The following SUMF1 variants were observed in gnomAD, a reference collection of about 807,000 sequenced individuals.
The protein encoded by SUMF1 is formylglycine-generating enzyme.
SUMF1 carries 48 observed loss-of-function variants against 47.6 expected under a neutral mutation model. The observed-to-expected ratio is 1.01, with a 90% CI of 0.80 to 1.28. SUMF1 has a LOEUF of 1.28. Among genes scored for constraint, SUMF1 ranks in the 50% most tolerant of loss-of-function variants. SUMF1 has a pLI of 0.00. For missense variants in SUMF1, 571 were observed against 485.4 expected, an observed-to-expected ratio of 1.18 and a Z score of -1.66; for synonymous variants, 230 against 192.1, an observed-to-expected ratio of 1.20 and a Z score of -1.63.
At chr3:4,399,260 T>A (rs1302617569) in intron 7 of SUMF1, among the ~76,000 whole-genome samples, 2 of 152,110 alleles carry the variant, frequency 1.3e-5, no homozygotes, top group African/African-American at 4.8e-5. Context: ...GACTATATTA[T>A]ACAGGGATGC....
At position 4,339,179 on chromosome 3, in the gene SUMF1, C is replaced by T. The variant is rs77637463; in HGVS notation, c.1014+37151G>A. On this transcript the variant is annotated intron_variant and NMD_transcript_variant, in intron 8 of 12. Transcript: ENST00000448413. Reference sequence around the variant, plus strand: ...CTTAGGCTATGTTTCACTCATGCTGCTTTCCTCTCTTGGGACACCTCCCAT... The same window carrying T: ...CTTAGGCTATGTTTCACTCATGCTGTTTTCCTCTCTTGGGACACCTCCCAT... Among the ~76,000 whole-genome samples, 43 of 152,318 alleles carry T rather than the reference C, an allele frequency of 2.8e-4. No homozygotes were observed. In the East Asian group the frequency reaches 8.1e-3, roughly 29 times the overall value.
At chr3:4,374,418 G>A (rs537880217) in intron 8 of SUMF1, among the ~76,000 whole-genome samples, 1 of 152,092 alleles carries the variant, frequency 6.6e-6, no homozygotes, top group Non-Finnish European at 1.5e-5. Flanking sequence ...TATTTTTAAA[G>A]AATCTACTGG....
chr3:4,389,650 A>G (rs1380719310), intron 7 of SUMF1, among the ~76,000 whole-genome samples: 1 of 152,002 alleles, frequency 6.6e-6, no homozygotes, highest in Non-Finnish European at 1.5e-5. Flanking sequence ...ACATTTCTTC[A>G]TTTACTGTTT....
intron 8 of SUMF1, among the ~76,000 whole-genome samples, chr3:4,117,738 A>G (rs2125075226): frequency 6.6e-6 from 1 of 151,664 alleles, no homozygotes; most frequent in Middle Eastern, 3.4e-3. Context: ...AAAAAATGTA[A>G]CTTAAACATG....
Position 4,238,527 on chromosome 3 carries a change from G to A in SUMF1, c.1014+137803C>T, listed in dbSNP as rs1026279506. Among the ~76,000 whole-genome samples, 4 of 152,172 alleles carry A rather than the reference G, an allele frequency of 2.6e-5. No individual in the cohort carries two copies. In the South Asian group the frequency reaches 8.3e-4, roughly 32 times the overall value. ...TTAATTTGCATTTCTCTAACGACCA[G>A]TGACGATGAGTTTTTCATATGTCTG... is the stretch of plus-strand genomic sequence containing the variant. On this transcript the variant is annotated intron_variant and NMD_transcript_variant, in intron 8 of 12. Coordinates refer to the SUMF1 transcript ENST00000448413.
rs1189522435 is a variant in SUMF1, at chr3:4,288,059, C to A, written c.1014+88271G>T. The stretch of plus-strand genomic sequence containing the variant: ...TCCCATGCAAAGGCAAAATAATGAC[C>A]CCAGAGAGTTCAGGCACCTGCTATC... On this transcript the variant is annotated intron_variant and NMD_transcript_variant, in intron 8 of 12. Transcript: ENST00000448413. Among the ~76,000 whole-genome samples, 5 of 151,690 alleles carry A rather than the reference C, an allele frequency of 3.3e-5. No homozygotes were observed. The East Asian group carries it at 5.9e-4, about 18-fold the overall frequency.
chr3:4,237,309 G>T (rs567126920), intron 8 of SUMF1, among the ~76,000 whole-genome samples: 5 of 151,970 alleles, frequency 3.3e-5, no homozygotes, highest in Admixed American at 3.3e-4. Flanking sequence ...CAGTGTTTTG[G>T]ATTTTTACAA....
chr3:4,263,566 C>A (rs1380577109), intron 8 of SUMF1, among the ~76,000 whole-genome samples: 1 of 152,160 alleles, frequency 6.6e-6, no homozygotes, highest in East Asian at 1.9e-4. Flanking sequence ...TGGTCCATTT[C>A]TATTCCAGCA....
At chr3:4,449,707 G>C (rs9881719) in intron 2 of SUMF1, among the ~76,000 whole-genome samples, 1 of 152,172 alleles carries the variant, frequency 6.6e-6, no homozygotes, top group Non-Finnish European at 1.5e-5. Context: ...CCTTTGTCCT[G>C]AATCTAGCTA....
chr3:4,163,121 G>GAA (rs71802775), intron 8 of SUMF1, among the ~76,000 whole-genome samples: 49,367 of 148,550 alleles, frequency 0.33, 8,177 homozygotes, highest in East Asian at 0.4. Flanking sequence ...GCAGCAGCCT[G>GAA]AAAAAAAAAA....
chr3:4,316,556 G>T, intron 8 of SUMF1: 1 of 1,556,224 alleles, frequency 6.4e-7, no homozygotes, highest in Non-Finnish European at 8.7e-7. Context: ...AGGTGAAAAA[G>T]CTCGATAAGT....
chr3:4,088,385 G>T lies in SUMF1; in HGVS notation c.1015-19640C>A, dbSNP rs148299078. On this transcript the variant is annotated intron_variant and NMD_transcript_variant, in intron 8 of 12. Transcript: ENST00000448413. ...CCTCACACTGAGACAATATATATTT[G>T]CCCAAAAAATGTTTTGTGAACAACT... 2.7e-3 allele frequency among the ~76,000 whole-genome samples: 416 copies of T among 151,948 alleles called. 5 individuals carry two copies. Among genetic ancestry groups the T allele is most frequent in the African/African-American group, 9.5e-3 (395 of 41,460 alleles).
intron 7 of SUMF1, among the ~76,000 whole-genome samples, chr3:4,394,552 G>A (rs1359100583): frequency 6.6e-6 from 1 of 152,194 alleles, no homozygotes; most frequent in African/African-American, 2.4e-5. Context: ...TTGGATAACT[G>A]TTAATGTCCC....
chr3:4,342,315 T>G (rs1699288094), intron 8 of SUMF1, among the ~76,000 whole-genome samples: 1 of 152,130 alleles, frequency 6.6e-6, no homozygotes, highest in South Asian at 2.1e-4. Context: ...GGTGGATCAC[T>G]TGAGGTCAGG....
chr3:4,102,004 T>TA (rs1374563454), intron 8 of SUMF1, among the ~76,000 whole-genome samples: 2 of 152,038 alleles, frequency 1.3e-5, no homozygotes, highest in African/African-American at 4.8e-5. Context: ...GGAAGCCCCG[T>TA]AAAAAAGCAT....
At chr3:4,259,855 A>G (rs561440396) in intron 8 of SUMF1, among the ~76,000 whole-genome samples, 1 of 151,616 alleles carries the variant, frequency 6.6e-6, no homozygotes, top group South Asian at 2.1e-4. Context: ...CCCATAATTT[A>G]CTACTTAGAA....
At chr3:4,071,501 G>A (rs911377407) in intron 8 of SUMF1, among the ~76,000 whole-genome samples, 2 of 152,166 alleles carry the variant, frequency 1.3e-5, no homozygotes, top group African/African-American at 4.8e-5. Context: ...TCCCTATGGT[G>A]CCTGGCTCAG....
intron 8 of SUMF1, among the ~76,000 whole-genome samples, chr3:4,319,767 A>G (rs1482462767): frequency 6.6e-6 from 1 of 152,212 alleles, no homozygotes; most frequent in African/African-American, 2.4e-5. Flanking sequence ...CATTTCTTCA[A>G]TAAGTGAATG....
At chr3:4,176,128 A>T (rs1370172956) in intron 8 of SUMF1, among the ~76,000 whole-genome samples, 1 of 152,198 alleles carries the variant, frequency 6.6e-6, no homozygotes, top group Non-Finnish European at 1.5e-5. Context: ...GATATTATCC[A>T]GGAGAACTTT....
Sources: allele counts gnomAD v4.1 joint callset (sites outside exome capture counted in the v4.1 genomes callset), GRCh38; gene constraint gnomAD v4.1.1; transcripts MANE v1.5; gene names NCBI Gene and HGNC (gene_info 2026-07-23, HGNC 2026-07-21).